TGFBR2: variants seen among roughly 807,000 people sequenced by gnomAD.
TGFBR2 encodes the protein transforming growth factor beta receptor 2.
TGFBR2 carries 18 observed loss-of-function variants against 49.0 expected under a neutral mutation model. That is an observed-to-expected ratio of 0.37 (90% CI 0.25 to 0.54). TGFBR2 has a LOEUF of 0.54. Ranked by LOEUF, TGFBR2 falls within the 20% of genes least tolerant of loss-of-function variation. The pLI is 0.85. For missense variants in TGFBR2, 525 were observed against 722.6 expected, an observed-to-expected ratio of 0.73 and a Z score of 3.13; for synonymous variants, 282 against 275.9, an observed-to-expected ratio of 1.02 and a Z score of -0.22.
intron 5 of TGFBR2, among the ~76,000 whole-genome samples, chr3:30,687,084 A>G (rs1421667413): frequency 6.6e-6 from 1 of 152,248 alleles, no homozygotes; most frequent in South Asian, 2.1e-4. Flanking sequence ...ATTAAATAAA[A>G]TATGGTATAT....
intron 2 of TGFBR2, among the ~76,000 whole-genome samples, chr3:30,645,904 G>C (rs751228366): frequency 6.6e-6 from 1 of 151,692 alleles, no homozygotes; most frequent in Non-Finnish European, 1.5e-5. Context: ...GGATACTCAT[G>C]AATCATTTGA....
At chr3:30,616,811 A>G (rs1017013338) in intron 1 of TGFBR2, among the ~76,000 whole-genome samples, 1 of 152,140 alleles carries the variant, frequency 6.6e-6, no homozygotes, top group Non-Finnish European at 1.5e-5. Context: ...AACCATAGCT[A>G]TTTTGAAAAT....
chr3:30,684,161 G>A (rs1040190307), intron 5 of TGFBR2, among the ~76,000 whole-genome samples: 1 of 152,114 alleles, frequency 6.6e-6, no homozygotes, highest in Non-Finnish European at 1.5e-5. Context: ...AATGAGCAAT[G>A]TTGCCTGATC....
Position 30,672,385 on chromosome 3 carries a change from C to T in TGFBR2, c.1202C>T (p.Ser401Phe), listed in dbSNP as rs1575158141. The stretch of plus-strand genomic sequence containing the variant: ...TGCTGCCTGTGTGACTTTGGGCTTT[C>T]CCTGCGTCTGGACCCTACTCTGTCT... ...LTCCLCDFGL[S>F]LRLDPTLSVD... The change falls in exon 4 of 7, where the codon TCC (serine) becomes TTC (phenylalanine). Residue 401 changes from serine to phenylalanine, a missense_variant. Transcript: ENST00000295754. This position sits in a 1 kb window ranked among gnomAD's most constrained non-coding sequence, Gnocchi z 4.5. 6.2e-7 allele frequency: 1 copy of T among 1,614,206 alleles called. No individual in the cohort carries two copies. Among genetic ancestry groups the T allele is most frequent in the Non-Finnish European group, 8.5e-7 (1 of 1,180,024 alleles).
intron 5 of TGFBR2, among the ~76,000 whole-genome samples, chr3:30,686,607 T>G (rs1021214911): frequency 6.6e-6 from 1 of 152,272 alleles, no homozygotes; most frequent in African/African-American, 2.4e-5. Flanking sequence ...AAATGTCATC[T>G]TGCCATGAAA....
At chr3:30,644,706 G>A in intron 1 of TGFBR2, 41 bp from the exon 2 acceptor site, 2 of 1,591,870 alleles carry the variant, frequency 1.3e-6, no homozygotes, top group Non-Finnish European at 8.6e-7. Context: ...AGGCTGCCTG[G>A]CAGTTGGATA....
intron 5 of TGFBR2, among the ~76,000 whole-genome samples, chr3:30,681,977 G>C (rs1159528984): frequency 1.3e-5 from 2 of 152,188 alleles, no homozygotes; most frequent in East Asian, 3.9e-4. Context: ...GTATAACTAC[G>C]AGCAGAACAC....
chr3:30,653,422 T>G, intron 3 of TGFBR2, among the ~76,000 whole-genome samples: 1 of 151,926 alleles, frequency 6.6e-6, no homozygotes, highest in East Asian at 1.9e-4. Context: ...CGGCTAATTT[T>G]TATGTTTTTA....
intron 1 of TGFBR2, among the ~76,000 whole-genome samples, chr3:30,641,794 GTATTA>G (rs201568925): frequency 0.053 from 8,035 of 152,008 alleles, 751 homozygotes; most frequent in African/African-American, 0.19. Flanking sequence ...CAAGTAACAT[GTATTA>G]TATCTCGCCA....
chr3:30,637,083 A>G (rs567214440), intron 1 of TGFBR2, among the ~76,000 whole-genome samples: 2 of 151,802 alleles, frequency 1.3e-5, no homozygotes, highest in East Asian at 3.9e-4. Context: ...AAAAAAAGCA[A>G]TAAAAGCAAT....
chr3:30,675,589 G>C (rs1699423388), intron 5 of TGFBR2, among the ~76,000 whole-genome samples: 1 of 152,124 alleles, frequency 6.6e-6, no homozygotes, highest in African/African-American at 2.4e-5. Context: ...GTTACACCGT[G>C]TTGATCAGGC....
intron 5 of TGFBR2, among the ~76,000 whole-genome samples, chr3:30,680,259 G>A (rs1215014232): frequency 1.3e-5 from 2 of 152,158 alleles, no homozygotes; most frequent in Non-Finnish European, 2.9e-5. Flanking sequence ...ACATGTTTGA[G>A]GAACATTCAG....
chr3:30,608,179 C>T (rs1268090156), intron 1 of TGFBR2, among the ~76,000 whole-genome samples: 1 of 152,050 alleles, frequency 6.6e-6, no homozygotes, highest in African/African-American at 2.4e-5. Context: ...CCTCGTGATC[C>T]GCCCACCTTG....
chr3:30,681,166 A>G (rs1483063054), intron 5 of TGFBR2, among the ~76,000 whole-genome samples: 32 of 146,314 alleles, frequency 2.2e-4, no homozygotes, highest in Non-Finnish European at 3.6e-4. Context: ...AGATGAAAAA[A>G]AAAAAAAAAA....
chr3:30,654,237 G>A (rs1042809310), intron 3 of TGFBR2, among the ~76,000 whole-genome samples: 2 of 152,236 alleles, frequency 1.3e-5, no homozygotes, highest in African/African-American at 4.8e-5. Context: ...TTGGTTGTCT[G>A]TAGAGGCAGA....
chr3:30,631,968 G>A (rs143917033), intron 1 of TGFBR2, among the ~76,000 whole-genome samples: 11 of 152,006 alleles, frequency 7.2e-5, no homozygotes, highest in African/African-American at 1.2e-4. Context: ...TAACTTTTAC[G>A]TGAGCAAATG....
intron 3 of TGFBR2, among the ~76,000 whole-genome samples, chr3:30,651,381 TTCC>T (rs1698883071): frequency 6.6e-6 from 1 of 152,144 alleles, no homozygotes; most frequent in Non-Finnish European, 1.5e-5. Context: ...TCTCCCTGTC[TTCC>T]TTTCTCTTTC....
intron 1 of TGFBR2, among the ~76,000 whole-genome samples, chr3:30,634,629 A>G (rs1182448741): frequency 2.0e-5 from 3 of 152,228 alleles, no homozygotes; most frequent in Admixed American, 2.0e-4. Flanking sequence ...GTCGTGTATC[A>G]TTATCTTGCC....
intron 5 of TGFBR2, among the ~76,000 whole-genome samples, chr3:30,675,953 GC>G (rs1699431913): frequency 6.6e-6 from 1 of 152,128 alleles, no homozygotes; most frequent in Admixed American, 6.5e-5. Flanking sequence ...TAATGTGCAT[GC>G]CTCCTTAGTC....
Sources: allele counts gnomAD v4.1 joint callset (sites outside exome capture counted in the v4.1 genomes callset), GRCh38; gene constraint gnomAD v4.1.1; non-coding constraint Gnocchi (gnomAD v3.1); transcripts MANE v1.5; gene names NCBI Gene and HGNC (gene_info 2026-07-23, HGNC 2026-07-21).